The following THSD4 variants were observed in gnomAD, a reference collection of about 807,000 sequenced individuals.
THSD4 encodes thrombospondin type-1 domain-containing protein 4.
A neutral mutation model predicts 119.0 loss-of-function variants in THSD4; 69 were observed. The observed-to-expected ratio is 0.58, with a 90% CI of 0.48 to 0.71. The LOEUF (loss-of-function observed/expected upper bound fraction) is 0.71, where lower values mean the gene tolerates loss of function less well. Ranked by LOEUF, THSD4 falls within the 30% of genes least tolerant of loss-of-function variation. The pLI, the probability that THSD4 is intolerant of heterozygous loss-of-function variation, is 0.00. For synonymous variants in THSD4, 524 were observed against 540.4 expected, an observed-to-expected ratio of 0.97 and a Z score of 0.42; for missense variants, 1,393 against 1,391.1, an observed-to-expected ratio of 1.00 and a Z score of -0.02.
chr15:71,531,039 G>A (rs919335656), intron 7 of THSD4, among the ~76,000 whole-genome samples: 11 of 152,134 alleles, frequency 7.2e-5, no homozygotes, highest in African/African-American at 1.2e-4. Flanking sequence ...GAGACCTGAA[G>A]GAGTGGTCCT....
rs1246250471 is a variant in THSD4, at chr15:71,581,513, G to A, written c.1153-79017G>A. Among the ~76,000 whole-genome samples, 6 of 152,048 alleles carry A rather than the reference G, an allele frequency of 3.9e-5. No homozygotes were observed. The East Asian group carries it at 1.2e-3, about 29-fold the overall frequency. The stretch of plus-strand genomic sequence containing the variant: ...TTCCATTTTGTTGATTGTTTCATTT[G>A]CTGTGCAGAAGATTTTTAGTCTGAT... On this transcript the variant is annotated intron_variant, in intron 7 of 17. Coordinates refer to ENST00000261862, the MANE Select transcript of THSD4 (RefSeq NM_024817.3).
At chr15:71,341,265 G>T in intron 6 of THSD4, 7 of 1,596,350 alleles carry the variant, frequency 4.4e-6, no homozygotes, top group Non-Finnish European at 5.9e-6. Flanking sequence ...TTTTCCGTAA[G>T]GATCATCTCA....
intron 7 of THSD4, among the ~76,000 whole-genome samples, chr15:71,550,238 G>T (rs1042235880): frequency 6.6e-5 from 10 of 152,216 alleles, no homozygotes; most frequent in Non-Finnish European, 1.5e-4. Flanking sequence ...TTTGCAGGAT[G>T]CAGCAGAATG....
At chr15:71,492,825 C>T (rs1384509918) in intron 7 of THSD4, among the ~76,000 whole-genome samples, 2 of 151,942 alleles carry the variant, frequency 1.3e-5, no homozygotes, top group South Asian at 2.1e-4. Flanking sequence ...TAGCAGGAAT[C>T]GATTTGCTTG....
intron 8 of THSD4, among the ~76,000 whole-genome samples, chr15:71,701,712 A>G (rs2052292319): frequency 6.6e-6 from 1 of 152,188 alleles, no homozygotes; most frequent in Non-Finnish European, 1.5e-5. Flanking sequence ...ATTAAAAAAT[A>G]CATGTGAACT....
chr15:71,678,017 A>G (rs1370304330), intron 8 of THSD4, among the ~76,000 whole-genome samples: 1 of 152,232 alleles, frequency 6.6e-6, no homozygotes, highest in East Asian at 1.9e-4. Context: ...TAAGGACAGC[A>G]TCTTCAGCAG....
At chr15:71,427,936 C>T (rs2140527259) in intron 7 of THSD4, among the ~76,000 whole-genome samples, 1 of 152,204 alleles carries the variant, frequency 6.6e-6, no homozygotes, top group South Asian at 2.1e-4. Context: ...CCAACCTGGT[C>T]CTCTTACCCA....
At chr15:71,738,739 G>A (rs917642671) in intron 11 of THSD4, among the ~76,000 whole-genome samples, 1 of 152,020 alleles carries the variant, frequency 6.6e-6, no homozygotes, top group African/African-American at 2.4e-5. Context: ...TGGTGTCCAG[G>A]GTTTTTACTG....
chr15:71,587,787 T>TAAAAAAAAAAAAAAAAAAA (rs1207231444), intron 7 of THSD4, among the ~76,000 whole-genome samples: 6 of 105,540 alleles, frequency 5.7e-5, no homozygotes, highest in African/African-American at 1.8e-4. Context: ...AAAAAAAAAT[T>TAAAAAAAAAAAAAAAAAAA]AAAAAAAAAA....
chr15:71,215,745 A>G (rs1452562704), intron 4 of THSD4, among the ~76,000 whole-genome samples: 1 of 152,102 alleles, frequency 6.6e-6, no homozygotes, highest in Non-Finnish European at 1.5e-5. Flanking sequence ...AGAGATCCTC[A>G]GCCTGTGTGG....
chr15:71,487,107 C>A (rs2047834307), intron 7 of THSD4, among the ~76,000 whole-genome samples: 1 of 152,240 alleles, frequency 6.6e-6, no homozygotes, highest in Non-Finnish European at 1.5e-5. Context: ...TCTCACACCA[C>A]TGTAAGACAT....
At chr15:71,552,758 G>T (rs578234154) in intron 7 of THSD4, among the ~76,000 whole-genome samples, 2 of 152,130 alleles carry the variant, frequency 1.3e-5, no homozygotes, top group East Asian at 3.9e-4. Context: ...GAGATTCTTC[G>T]GCTTCAGCCT....
At chr15:71,445,984 C>T (rs1258223498) in intron 7 of THSD4, among the ~76,000 whole-genome samples, 4 of 152,220 alleles carry the variant, frequency 2.6e-5, no homozygotes, top group Non-Finnish European at 5.9e-5. Flanking sequence ...AATTGTCTAA[C>T]AGGGACTTCA....
chr15:71,337,309 C>T (rs991888544), intron 6 of THSD4, among the ~76,000 whole-genome samples: 1 of 152,048 alleles, frequency 6.6e-6, no homozygotes, highest in Admixed American at 6.6e-5. Flanking sequence ...CCAGGGGGAC[C>T]GAGGGTAGAG....
chr15:71,681,401 G>T (rs2051773520), intron 8 of THSD4, among the ~76,000 whole-genome samples: 1 of 151,974 alleles, frequency 6.6e-6, no homozygotes, highest in South Asian at 2.1e-4. Flanking sequence ...GGCACACTGG[G>T]CGTGGTGGCT....
chr15:71,532,331 T>TGTGA (rs1567023975), intron 7 of THSD4, among the ~76,000 whole-genome samples: 6 of 146,838 alleles, frequency 4.1e-5, no homozygotes, highest in African/African-American at 1.5e-4. Flanking sequence ...TGTGTGTGTG[T>TGTGA]GATGGAGTCT....
intron 6 of THSD4, among the ~76,000 whole-genome samples, chr15:71,311,318 CA>C (rs979101667): frequency 2.0e-5 from 3 of 152,192 alleles, no homozygotes; most frequent in Admixed American, 2.0e-4. Context: ...CCAGTGGCAA[CA>C]CCTAGCTTCA....
chr15:71,210,057 A>G (rs988279349), intron 3 of THSD4, among the ~76,000 whole-genome samples: 2 of 152,180 alleles, frequency 1.3e-5, no homozygotes, highest in African/African-American at 4.8e-5. Context: ...GGATTAATAC[A>G]TTGGGTATAA....
chr15:71,646,856 A>G (rs1006598427), intron 7 of THSD4, among the ~76,000 whole-genome samples: 6 of 152,124 alleles, frequency 3.9e-5, no homozygotes, highest in African/African-American at 1.2e-4. Context: ...ACTCCCTTCC[A>G]CCTGGAATCA....
Sources: allele counts gnomAD v4.1 joint callset (sites outside exome capture counted in the v4.1 genomes callset), GRCh38; gene constraint gnomAD v4.1.1; transcripts MANE v1.5; gene names NCBI Gene and HGNC (gene_info 2026-07-23, HGNC 2026-07-21).